FABP5: variants seen among roughly 807,000 people sequenced by gnomAD.
FABP5 encodes fatty acid binding protein 5.
Under a neutral mutation model 16.9 loss-of-function variants are expected in FABP5, and 7 were observed. The ratio of observed to expected loss-of-function variants is 0.41; its 90% CI spans 0.24 to 0.78. The LOEUF is 0.78. Among genes scored for constraint, FABP5 ranks in the 30% least tolerant of loss-of-function variants. The pLI is 0.30. For synonymous variants in FABP5, 37 were observed against 52.8 expected, an observed-to-expected ratio of 0.70 and a Z score of 1.30; for missense variants, 119 against 159.5, an observed-to-expected ratio of 0.75 and a Z score of 1.37.
chr8:81,283,238 C>T (rs893383457), intron 1 of FABP5, 128 bp from the exon 2 acceptor site: 1 of 773,650 alleles, frequency 1.3e-6, no homozygotes, highest in African/African-American at 1.8e-5. Context: ...TATATGTTTA[C>T]AATAGTTATC....
chr8:81,284,400 A>G (rs1807880025), intron 3 of FABP5, 114 bp from the exon 4 acceptor site: 3 of 684,682 alleles, frequency 4.4e-6, no homozygotes, highest in Non-Finnish European at 7.5e-6. Context: ...AATTTTCTCC[A>G]TCTATGAAGT....
At position 81,283,838 on chromosome 8, in the gene FABP5, C is replaced by T. The variant is rs753725509; in HGVS notation, c.253-35C>T. The T allele has an allele frequency of 9.7e-6, 15 of 1,542,792 alleles. No homozygotes were observed. In the African/African-American group the frequency reaches 1.6e-4, roughly 17 times the overall value. The stretch of plus-strand genomic sequence containing the variant: ...GAGTCATGGAAACTCTTGTAATGTA[C>T]TTGGAAGATTAAAACGTTTACTTTG... On this transcript the variant is annotated intron_variant, in intron 2 of 3. Transcript: ENST00000297258.
chr8:81,280,763 G>A, intron 1 of FABP5, 89 bp downstream of exon 1: 4 of 1,246,076 alleles, frequency 3.2e-6, no homozygotes, highest in Non-Finnish European at 4.6e-6. Flanking sequence ...AGATTCTGGG[G>A]CAGGAGATGC....
Position 81,281,210 on chromosome 8 carries a change from G to A in FABP5, c.79+536G>A. The A allele has an allele frequency of 2.4e-6, 1 of 419,370 alleles. No individual in the cohort carries two copies. The highest frequency in any genetic ancestry group is 3.2e-6 in the Non-Finnish European group (1 of 312,122). The allele number at this position is 419,370 out of a possible 1,614,324, so 26.0% of individuals were successfully genotyped here. Reference sequence around the variant, plus strand: ...CAGGTCACCCTCCGTTTTCTTCATGGGGACGCGGTGCTGGCGCGCAGTTTC... The same window carrying A: ...CAGGTCACCCTCCGTTTTCTTCATGAGGACGCGGTGCTGGCGCGCAGTTTC... On this transcript the variant is annotated intron_variant, in intron 1 of 3. Transcript: ENST00000297258. This position sits in a 1 kb window ranked among gnomAD's most constrained non-coding sequence, Gnocchi z 4.5.
In FABP5 at chr8:81,281,441, G is replaced by T. The variant is rs1047110533; in HGVS notation, c.79+767G>T. The T allele has an allele frequency of 2.8e-5, 28 of 986,032 alleles. No individual in the cohort carries two copies. The highest frequency in any genetic ancestry group is 4.7e-5 in the South Asian group (1 of 21,294). The allele number at this position is 986,032 out of a possible 1,614,324, so 61.1% of individuals were successfully genotyped here. ...GCTGGCACTGCCGGGCCGGGGCGCC[G>T]CAGTGGGCGGGTGGCCTGTGGGAGG... On this transcript the variant is annotated intron_variant, in intron 1 of 3. Coordinates refer to ENST00000297258, the MANE Select transcript of FABP5 (RefSeq NM_001444.3). The surrounding 1 kb of genome is among the most constrained non-coding windows in gnomAD (Gnocchi z 4.5).
At chr8:81,280,804 T>G in intron 1 of FABP5, 130 bp downstream of exon 1, 3 of 789,610 alleles carry the variant, frequency 3.8e-6, no homozygotes, top group East Asian at 3.0e-5. Flanking sequence ...CCTCCCATCT[T>G]CCCCACCACG....
intron 1 of FABP5, chr8:81,280,920 C>T: frequency 3.9e-6 from 2 of 506,472 alleles, no homozygotes; most frequent in Admixed American, 3.4e-5. Context: ...CGGAGGTGGT[C>T]CACCCCGTGG....
chr8:81,283,155 T>A (rs1440640252), intron 1 of FABP5: 3 of 427,358 alleles, frequency 7.0e-6, no homozygotes, highest in African/African-American at 6.2e-5. Flanking sequence ...GACAGTAACA[T>A]CTGCCTTTTA....
chr8:81,283,734 T>C lies in FABP5; in HGVS notation c.253-139T>C, dbSNP rs1022373435. 8 of 929,836 alleles carry C rather than the reference T, an allele frequency of 8.6e-6. No individual in the cohort carries two copies. The South Asian group carries it at 1.1e-4, about 13-fold the overall frequency. 57.6% of individuals were successfully genotyped at this position (929,836 alleles called of 1,614,324 possible). The stretch of plus-strand genomic sequence containing the variant: ...CTACTAGGTTGAAAACCACAAACTA[T>C]TGTGAATAAAATCAATATGGGTTAA... On this transcript the variant is annotated intron_variant, in intron 2 of 3. Coordinates refer to ENST00000297258, the MANE Select transcript of FABP5 (RefSeq NM_001444.3).
chr8:81,283,197 T>C (rs1807861809), intron 1 of FABP5, 169 bp from the exon 2 acceptor site: 2 of 520,796 alleles, frequency 3.8e-6, no homozygotes, highest in Admixed American at 7.9e-5. Context: ...CTGAATTTCA[T>C]ATATGTAAAG....
In FABP5 at chr8:81,280,550, C is replaced by T; in HGVS notation, c.-46C>T. ...CCGGGTGCCTCACAGCACGCTGCCA[C>T]GCCGACGCAGACCCCTCTCTGCACG... is the stretch of plus-strand genomic sequence containing the variant. On this transcript the variant is annotated 5_prime_UTR_variant, in exon 1 of 4. The change creates a new upstream start codon in the 5' untranslated region. Transcript: ENST00000297258. The T allele has an allele frequency of 1.3e-6, 2 of 1,539,866 alleles. No individual in the cohort carries two copies. Among genetic ancestry groups the T allele is most frequent in the Non-Finnish European group, 1.8e-6 (2 of 1,141,002 alleles).
In FABP5 at chr8:81,283,198, A is replaced by G. The variant is rs190893926; in HGVS notation, c.80-168A>G. The stretch of plus-strand genomic sequence containing the variant: ...GTTGTAAGGCTTACCTGAATTTCAT[A>G]TATGTAAAGTGCTGGCTCATACCGT... On this transcript the variant is annotated intron_variant, in intron 1 of 3. Transcript: ENST00000297258. 183 of 520,774 alleles carry G rather than the reference A, an allele frequency of 3.5e-4. 1 individual carries two copies. Among genetic ancestry groups the G allele is most frequent in the African/African-American group, 2.9e-3 (146 of 50,646 alleles). 32.3% of individuals were successfully genotyped at this position (520,774 alleles called of 1,614,324 possible). A position where few individuals can be genotyped will look rare whatever the true frequency, so the allele number is the denominator to read the frequency against.
Position 81,281,600 on chromosome 8 carries a change from A to T in FABP5, c.79+926A>T. ...GCCTGGCCCTCCTGCGGCTAACTGC[A>T]TGCAAGATGGGTGTGGCCCTGCAGA... On this transcript the variant is annotated intron_variant, in intron 1 of 3. Transcript: ENST00000297258. The surrounding 1 kb of genome is among the most constrained non-coding windows in gnomAD (Gnocchi z 4.5). 2.0e-6 allele frequency: 2 copies of T among 985,468 alleles called. No homozygotes were observed. Among genetic ancestry groups the T allele is most frequent in the Non-Finnish European group, 2.4e-6 (2 of 829,930 alleles). 61.0% of individuals were successfully genotyped at this position (985,468 alleles called of 1,614,324 possible). A position where few individuals can be genotyped will look rare whatever the true frequency, so the allele number is the denominator to read the frequency against.
intron 1 of FABP5, chr8:81,283,094 T>G: frequency 3.3e-5 from 9 of 275,864 alleles, no homozygotes; most frequent in East Asian, 6.4e-5. Flanking sequence ...TCTAGTTGAA[T>G]GATCTTGGGC....
intron 3 of FABP5, 139 bp from the exon 4 acceptor site, chr8:81,284,375 G>T (rs1043918734): frequency 3.4e-4 from 207 of 608,666 alleles, no homozygotes; most frequent in Non-Finnish European, 5.4e-4. Flanking sequence ...TCTCAAACCC[G>T]TGAATTCTGA....
rs546562816 is a variant in FABP5 at position 81,284,720 on chromosome 8, G to A, written c.*153G>A. ...ATTTTACATGCAGCTATTTCAAAGT[G>A]TGTTGGATTAATTAGGATCATCCCT... is the stretch of plus-strand genomic sequence containing the variant. On this transcript the variant is annotated 3_prime_UTR_variant, in exon 4 of 4. Coordinates refer to ENST00000297258, the MANE Select transcript of FABP5 (RefSeq NM_001444.3). 2.5e-5 allele frequency: 14 copies of A among 553,450 alleles called. No individual in the cohort carries two copies. The highest frequency in any genetic ancestry group is 1.2e-4 in the Admixed American group (4 of 32,554). 34.3% of individuals were successfully genotyped at this position (553,450 alleles called of 1,614,324 possible).
chr8:81,282,585 A>G (rs1005401500), intron 1 of FABP5, among the ~76,000 whole-genome samples: 2 of 152,230 alleles, frequency 1.3e-5, no homozygotes, highest in African/African-American at 4.8e-5. Flanking sequence ...GAGATAGATC[A>G]TAAATTACAT....
In FABP5 at chr8:81,283,903, G is replaced by T; in HGVS notation, c.283G>T (p.Val95Phe). The T allele has an allele frequency of 1.2e-6, 2 of 1,612,824 alleles. No individual in the cohort carries two copies. Among genetic ancestry groups the T allele is most frequent in the Middle Eastern group, 3.4e-4 (2 of 5,922 alleles). The change falls in exon 3 of 4, where the codon GTT (valine) becomes TTT (phenylalanine). Residue 95 changes from valine to phenylalanine, a missense_variant. Coordinates refer to ENST00000297258, the MANE Select transcript of FABP5 (RefSeq NM_001444.3). ...CTGCAACTTTACAGATGGTGCATTG[G>T]TTCAGCATCAGGAGTGGGATGGGAA... ...TVCNFTDGALVQHQEWDGKES... is the reference protein window; with the variant it reads ...TVCNFTDGALFQHQEWDGKES...
rs1482342553 is a variant in FABP5, at chr8:81,281,052, C to G, written c.79+378C>G. The G allele has an allele frequency of 5.1e-6, 1 of 197,520 alleles. No individual in the cohort carries two copies. Among genetic ancestry groups the G allele is most frequent in the Non-Finnish European group, 1.0e-5 (1 of 97,090 alleles). The allele number at this position is 197,520 out of a possible 1,614,324, so 12.2% of individuals were successfully genotyped here. A position where few individuals can be genotyped will look rare whatever the true frequency, so the allele number is the denominator to read the frequency against. On this transcript the variant is annotated intron_variant, in intron 1 of 3. Coordinates refer to ENST00000297258, the MANE Select transcript of FABP5 (RefSeq NM_001444.3). This position sits in a 1 kb window ranked among gnomAD's most constrained non-coding sequence, Gnocchi z 4.5. ...TTCTTTCGACCCCCTCCAGGCGACCCTGTATTTCCCTTTTTTCCCCCTTTA... is the reference window on the plus strand; with the variant it reads ...TTCTTTCGACCCCCTCCAGGCGACCGTGTATTTCCCTTTTTTCCCCCTTTA...
Sources: gnomAD v4.1 joint callset for allele counts (sites outside exome capture counted in the v4.1 genomes callset) on GRCh38, gnomAD v4.1.1 for gene constraint, Gnocchi (gnomAD v3.1) non-coding constraint, MANE v1.5 for transcripts, NCBI Gene and HGNC (gene_info 2026-07-23, HGNC 2026-07-21) for gene names.